SLC35F3: variants seen among roughly 807,000 people sequenced by gnomAD.
SLC35F3 encodes the protein putative thiamine transporter SLC35F3.
In SLC35F3, 25 loss-of-function variants were observed where a neutral mutation model predicts 49.9. The ratio of observed to expected loss-of-function variants is 0.50; its 90% CI spans 0.37 to 0.70. The LOEUF is 0.70. SLC35F3 is among the 30% of genes least tolerant of loss of function. SLC35F3 has a pLI of 0.00. For missense variants in SLC35F3, 525 were observed against 639.8 expected, an observed-to-expected ratio of 0.82 and a Z score of 1.94; for synonymous variants, 275 against 265.4, an observed-to-expected ratio of 1.04 and a Z score of -0.35.
At chr1:234,171,087 A>G (rs1386731555) in intron 2 of SLC35F3, among the ~76,000 whole-genome samples, 1 of 152,202 alleles carries the variant, frequency 6.6e-6, no homozygotes, top group Non-Finnish European at 1.5e-5. Flanking sequence ...GGGGTTCCCC[A>G]AAGTTTGGTC....
intron 2 of SLC35F3, among the ~76,000 whole-genome samples, chr1:233,978,855 C>T (rs1266570247): frequency 1.3e-5 from 2 of 151,998 alleles, no homozygotes; most frequent in Non-Finnish European, 2.9e-5. Flanking sequence ...CATAGTTAAA[C>T]CCCCATCTCT....
chr1:234,108,298 T>C (rs1340658494), intron 2 of SLC35F3, among the ~76,000 whole-genome samples: 1 of 121,848 alleles, frequency 8.2e-6, no homozygotes, highest in Admixed American at 1.0e-4. Context: ...TATATAAAGA[T>C]ATATATTTAT....
chr1:234,223,336 C>T (rs969058223), intron 2 of SLC35F3, among the ~76,000 whole-genome samples: 9 of 152,200 alleles, frequency 5.9e-5, no homozygotes, highest in African/African-American at 1.9e-4. Flanking sequence ...AGCTCTCAGA[C>T]TGCTTCAGAG....
chr1:234,033,478 T>C (rs1199221247), intron 2 of SLC35F3, among the ~76,000 whole-genome samples: 2 of 152,232 alleles, frequency 1.3e-5, no homozygotes, highest in Non-Finnish European at 2.9e-5. Flanking sequence ...CTAGAATTTT[T>C]ATAGTTTCAG....
intron 2 of SLC35F3, among the ~76,000 whole-genome samples, chr1:233,986,952 T>G (rs1169310518): frequency 6.6e-6 from 1 of 152,174 alleles, no homozygotes; most frequent in Non-Finnish European, 1.5e-5. Flanking sequence ...GTATGTGTGT[T>G]CTTTCTGATT....
intron 2 of SLC35F3, among the ~76,000 whole-genome samples, chr1:234,106,904 A>C (rs943789536): frequency 2.6e-5 from 4 of 152,154 alleles, no homozygotes; most frequent in African/African-American, 9.7e-5. Context: ...GATCCACCAA[A>C]CCAACCCTGG....
chr1:234,281,056 T>C (rs964992422), intron 3 of SLC35F3, among the ~76,000 whole-genome samples: 2 of 151,566 alleles, frequency 1.3e-5, no homozygotes, highest in Non-Finnish European at 2.9e-5. Flanking sequence ...TGTGTTCTTA[T>C]GTGAGTGTTA....
intron 2 of SLC35F3, among the ~76,000 whole-genome samples, chr1:233,926,341 C>CT (rs1194073124): frequency 6.6e-6 from 1 of 152,086 alleles, no homozygotes; most frequent in African/African-American, 2.4e-5. Context: ...TCTTTTTACT[C>CT]TTTTTTCTCT....
intron 2 of SLC35F3, among the ~76,000 whole-genome samples, chr1:233,962,994 A>G (rs1052851666): frequency 9.9e-5 from 15 of 152,212 alleles, no homozygotes; most frequent in African/African-American, 2.9e-4. Context: ...CATAGCTGCA[A>G]TCTCTTTCAA....
chr1:233,933,732 T>C (rs1662282083), intron 2 of SLC35F3, among the ~76,000 whole-genome samples: 1 of 152,114 alleles, frequency 6.6e-6, no homozygotes, highest in African/African-American at 2.4e-5. Context: ...TCCCAACTAC[T>C]GAGGAGGCTG....
chr1:234,074,600 G>A lies in SLC35F3; in HGVS notation c.284-156817G>A, dbSNP rs148419081. Among the ~76,000 whole-genome samples, 868 of 152,298 alleles carry A rather than the reference G, an allele frequency of 5.7e-3. 2 individuals are homozygous for A. Among genetic ancestry groups the A allele is most frequent in the Non-Finnish European group, 8.5e-3 (581 of 68,024 alleles). The stretch of plus-strand genomic sequence containing the variant: ...GGGCCCAGTCAGAAAAGGCAAGACA[G>A]GCAGGGGTGGAGCTCAAGCGGAATT... On this transcript the variant is annotated intron_variant, in intron 2 of 7. Coordinates refer to ENST00000366618, the MANE Select transcript of SLC35F3 (RefSeq NM_173508.4).
At chr1:234,072,403 A>T (rs1462630015) in intron 2 of SLC35F3, among the ~76,000 whole-genome samples, 1 of 152,232 alleles carries the variant, frequency 6.6e-6, no homozygotes, top group African/African-American at 2.4e-5. Flanking sequence ...CTCATCAGAC[A>T]CTGATGGAGA....
intron 3 of SLC35F3, among the ~76,000 whole-genome samples, chr1:234,266,118 A>C (rs770086251): frequency 1.3e-5 from 2 of 152,230 alleles, no homozygotes; most frequent in Non-Finnish European, 2.9e-5. Flanking sequence ...TCTCTGTACT[A>C]GGATACATGA....
intron 2 of SLC35F3, among the ~76,000 whole-genome samples, chr1:234,083,332 C>G (rs768661189): frequency 2.0e-5 from 3 of 152,210 alleles, no homozygotes; most frequent in Non-Finnish European, 4.4e-5. Flanking sequence ...TCTTTAGACT[C>G]TTAGATACTG....
At chr1:234,287,322 A>C (rs577893000) in intron 3 of SLC35F3, among the ~76,000 whole-genome samples, 2 of 134,304 alleles carry the variant, frequency 1.5e-5, no homozygotes, top group Non-Finnish European at 3.4e-5. Context: ...CCTTATACCC[A>C]TATGAGACAT....
chr1:233,925,282 G>A (rs1317290353), intron 2 of SLC35F3, among the ~76,000 whole-genome samples: 2 of 152,268 alleles, frequency 1.3e-5, no homozygotes, highest in African/African-American at 4.8e-5. Flanking sequence ...CTCTTTGTAG[G>A]TCTCTAAGGA....
At chr1:234,235,211 C>T (rs1254065706) in intron 3 of SLC35F3, among the ~76,000 whole-genome samples, 1 of 152,240 alleles carries the variant, frequency 6.6e-6, no homozygotes, top group Non-Finnish European at 1.5e-5. Flanking sequence ...TCCTAGCAAG[C>T]ACTCAACCAT....
intron 2 of SLC35F3, among the ~76,000 whole-genome samples, chr1:234,168,739 TA>T (rs1427874049): frequency 4.6e-5 from 7 of 152,078 alleles, no homozygotes; most frequent in Admixed American, 4.6e-4. Context: ...GCCTCTGGGA[TA>T]GAAAAGTGGC....
At chr1:233,955,894 T>TTC (rs1662692289) in intron 2 of SLC35F3, among the ~76,000 whole-genome samples, 3 of 140,214 alleles carry the variant, frequency 2.1e-5, no homozygotes, top group African/African-American at 8.1e-5. Context: ...TTTTTTTTTT[T>TTC]TTTTTTTTTT....
Sources: gnomAD v4.1 joint callset for allele counts (sites outside exome capture counted in the v4.1 genomes callset) on GRCh38, gnomAD v4.1.1 for gene constraint, MANE v1.5 for transcripts, NCBI Gene and HGNC (gene_info 2026-07-23, HGNC 2026-07-21) for gene names.